Variants in LEFTY1 observed in about 807,000 individuals in gnomAD.
LEFTY1 encodes left-right determination factor 1, also known as left-right determination factor B.
In LEFTY1, 18 loss-of-function variants were observed where a neutral mutation model predicts 22.6. The ratio of observed to expected loss-of-function variants is 0.80; its 90% confidence interval spans 0.55 to 1.18. LEFTY1 has a LOEUF of 1.18. LEFTY1 is among the 50% of genes most tolerant of loss of function. LEFTY1 has a pLI of 0.00. For missense variants in LEFTY1, 414 were observed against 495.4 expected, an observed-to-expected ratio of 0.84 and a Z score of 1.56; for synonymous variants, 201 against 231.5, an observed-to-expected ratio of 0.87 and a Z score of 1.20.
chr1:225,886,556 T>G lies in LEFTY1; in HGVS notation c.*171A>C. On this transcript the variant is annotated 3_prime_UTR_variant, in exon 4 of 4. Transcript: ENST00000272134. ...TCCAGTGGCCAAAGATTCTCATTCC[T>G]GAGAAGCAAAAATTAGGTGAGGTAA... is the stretch of plus-strand genomic sequence containing the variant. 1.5e-6 allele frequency: 2 copies of G among 1,359,340 alleles called. No homozygotes were observed. Among genetic ancestry groups the G allele is most frequent in the Non-Finnish European group, 2.0e-6 (2 of 1,023,928 alleles). 84.2% of individuals were successfully genotyped at this position (1,359,340 alleles called of 1,614,324 possible).
chr1:225,887,421 T>G lies in LEFTY1; in HGVS notation c.715A>C (p.Thr239Pro). Reference sequence around the variant, plus strand: ...TACCCATAGTCCCCAAGGTCCAGGGTGTGCAGCTCCAGCTGGGGCTCCCCA... The same window carrying G: ...TACCCATAGTCCCCAAGGTCCAGGGGGTGCAGCTCCAGCTGGGGCTCCCCA... ...GLGEPQLELH[T>P]LDLGDYGAQG... The change falls in exon 3 of 4, where the codon ACC (threonine) becomes CCC (proline). Residue 239 changes from threonine (T) to proline (P), a missense_variant. Around this residue, in one of 2 missense-constraint regions of LEFTY1, gnomAD observed 398 missense variants for 454.7 expected, o/e 0.88. Transcript: ENST00000272134. 1 of 1,613,588 alleles carries G rather than the reference T, an allele frequency of 6.2e-7. No homozygotes were observed. The highest frequency in any genetic ancestry group is 8.5e-7 in the Non-Finnish European group (1 of 1,179,888).
intron 3 of LEFTY1, 111 bp downstream of exon 3, chr1:225,887,288 T>A: frequency 1.9e-6 from 3 of 1,555,172 alleles, no homozygotes. Context: ...GGAAGAATTG[T>A]ATACATTGTC....
Position 225,888,008 on chromosome 1 carries a change from A to C in LEFTY1, c.275T>G (p.Leu92Trp), listed in dbSNP as rs145431393. ...FREVAGRFLA[L>W]EASTHLLVFG... is the part of the protein sequence containing the mutation. Reference sequence around the variant, plus strand: ...CACCAGCAGGTGTGTGCTGGCCTCCAACGCCAGGAACCTGCCGGCCACCTC... The same window carrying C: ...CACCAGCAGGTGTGTGCTGGCCTCCCACGCCAGGAACCTGCCGGCCACCTC... The change falls in exon 2 of 4, where the codon TTG becomes TGG. Residue 92 changes from leucine to tryptophan, a missense_variant. Coordinates refer to ENST00000272134, the MANE Select transcript of LEFTY1 (RefSeq NM_020997.4). 6.4e-7 allele frequency: 1 copy of C among 1,553,632 alleles called. No homozygotes were observed. The highest frequency in any genetic ancestry group is 8.7e-7 in the Non-Finnish European group (1 of 1,152,040).
rs762426742 is a variant in LEFTY1 at position 225,887,493 on chromosome 1, C to T, written c.643G>A (p.Ala215Thr). The change falls in exon 3 of 4, where the codon GCC becomes ACC. Residue 215 changes from alanine (A) to threonine (T), a missense_variant. Coordinates refer to ENST00000272134, the MANE Select transcript of LEFTY1 (RefSeq NM_020997.4). ...GAGGCAAAGCGGACCAGCTTGTGGG[C>T]GCCGGACGCCAGCGGGCCCAGATGC... ...REHLGPLASG[A>T]HKLVRFASQG... is the part of the protein sequence containing the mutation. 15 of 1,611,806 alleles carry T rather than the reference C, an allele frequency of 9.3e-6. No individual in the cohort carries two copies. Among genetic ancestry groups the T allele is most frequent in the Admixed American group, 1.7e-5 (1 of 59,918 alleles).
At position 225,887,879 on chromosome 1, in the gene LEFTY1, C is replaced by T. The variant is rs754733668; in HGVS notation, c.404G>A (p.Arg135Gln). Reference sequence around the variant, plus strand: ...GGCCCGGGCGCTGCGCGGGGACAGCCGCCCGTGCCTGTGCAGCGCGGCCTT... The same window carrying T: ...GGCCCGGGCGCTGCGCGGGGACAGCTGCCCGTGCCTGTGCAGCGCGGCCTT... ...VPKAALHRHG[R>Q]LSPRSARARV... Residue 135 changes from arginine to glutamine, a missense_variant, in exon 2 of 4, where the codon CGG becomes CAG. Arg to Gln is a conservative substitution (Grantham distance 43). This residue lies in a region of LEFTY1 where 398 missense variants were observed against 454.7 expected (regional missense o/e 0.88). Transcript: ENST00000272134. The T allele has an allele frequency of 5.9e-6, 9 of 1,532,354 alleles. No individual in the cohort carries two copies. Among genetic ancestry groups the T allele is most frequent in the Non-Finnish European group, 7.9e-6 (9 of 1,146,134 alleles). 94.9% of individuals were successfully genotyped at this position (1,532,354 alleles called of 1,614,324 possible).
chr1:225,887,486 T>G lies in LEFTY1; in HGVS notation c.650A>C (p.Lys217Thr). The G allele has an allele frequency of 6.2e-7, 1 of 1,612,132 alleles. No homozygotes were observed. Residue 217 changes from lysine (K) to threonine (T), a missense_variant, in exon 3 of 4, where the codon AAG (lysine) becomes ACG (threonine). Physicochemically the swap from Lys to Thr is moderately conservative, Grantham distance 78 (BLOSUM62 -1). Around this residue, in one of 2 missense-constraint regions of LEFTY1, gnomAD observed 398 missense variants for 454.7 expected, o/e 0.88. Coordinates refer to ENST00000272134, the MANE Select transcript of LEFTY1 (RefSeq NM_020997.4). ...HLGPLASGAH[K>T]LVRFASQGAP... is the part of the protein sequence containing the mutation. ...CCCCTGCGAGGCAAAGCGGACCAGC[T>G]TGTGGGCGCCGGACGCCAGCGGGCC... is the stretch of plus-strand genomic sequence containing the variant.
chr1:225,886,550 C>T lies in LEFTY1; in HGVS notation c.*177G>A, dbSNP rs1200694967. 4.6e-6 allele frequency: 6 copies of T among 1,300,414 alleles called. No homozygotes were observed. Among genetic ancestry groups the T allele is most frequent in the Non-Finnish European group, 6.2e-6 (6 of 972,852 alleles). The allele number at this position is 1,300,414 out of a possible 1,614,324, so 80.6% of individuals were successfully genotyped here. A position where few individuals can be genotyped will look rare whatever the true frequency, so the allele number is the denominator to read the frequency against. On this transcript the variant is annotated 3_prime_UTR_variant, in exon 4 of 4. Coordinates refer to ENST00000272134, the MANE Select transcript of LEFTY1 (RefSeq NM_020997.4). The stretch of plus-strand genomic sequence containing the variant: ...GGGCTCTCCAGTGGCCAAAGATTCT[C>T]ATTCCTGAGAAGCAAAAATTAGGTG...
In LEFTY1 at chr1:225,888,008, A is replaced by G. The variant is rs145431393; in HGVS notation, c.275T>C (p.Leu92Ser). 0.031 allele frequency: 47,940 copies of G among 1,552,204 alleles called. 4,102 individuals are homozygous for G. Among genetic ancestry groups the G allele is most frequent in the East Asian group, 0.2 (8,389 of 42,982 alleles). Residue 92 changes from leucine to serine, a missense_variant, in exon 2 of 4, where the codon TTG (leucine) becomes TCG (serine). Leu to Ser is a moderately radical substitution (Grantham distance 145, BLOSUM62 -2). Transcript: ENST00000272134. Reference protein sequence around the residue: ...FREVAGRFLALEASTHLLVFG... With the variant: ...FREVAGRFLASEASTHLLVFG... ...CACCAGCAGGTGTGTGCTGGCCTCC[A>G]ACGCCAGGAACCTGCCGGCCACCTC...
intron 1 of LEFTY1, 107 bp downstream of exon 1, chr1:225,888,710 C>T: frequency 6.8e-7 from 1 of 1,476,012 alleles, no homozygotes; most frequent in Non-Finnish European, 9.1e-7. Context: ...GGCCCTCACT[C>T]AGCCTCCCAC....
In LEFTY1 at chr1:225,888,148, G is replaced by T. The variant is rs867345984; in HGVS notation, c.251-116C>A. The T allele has an allele frequency of 6.1e-5, 87 of 1,425,898 alleles. 2 individuals carry two copies. Among genetic ancestry groups the T allele is most frequent in the South Asian group, 5.1e-4 (41 of 80,456 alleles). 88.3% of individuals were successfully genotyped at this position (1,425,898 alleles called of 1,614,324 possible). A position where few individuals can be genotyped will look rare whatever the true frequency, so the allele number is the denominator to read the frequency against. On this transcript the variant is annotated intron_variant, in intron 1 of 3. Transcript: ENST00000272134. ...AGACACCGGCCCTGTTCTATTTCTG[G>T]GGCAAACCCAGTTTACAAATCTTCC...
At chr1:225,888,775 CT>C (rs1449811417) in intron 1 of LEFTY1, 41 bp downstream of exon 1, 2 of 1,611,192 alleles carry the variant, frequency 1.2e-6, no homozygotes, top group African/African-American at 2.7e-5. Context: ...CACATCTGAC[CT>C]GCCCCATGGG....
chr1:225,887,778 A>C lies in LEFTY1; in HGVS notation c.497+8T>G, dbSNP rs757843492. ...TCCCCCTACCCTGCGCGCCCCCGCG[A>C]CCCCCACCTGGAGTCGATGAGGGAG... On this transcript the variant is annotated splice_region_variant and intron_variant, in intron 2 of 3. Transcript: ENST00000272134. 1.1e-4 allele frequency: 165 copies of C among 1,540,600 alleles called. No homozygotes were observed. Among genetic ancestry groups the C allele is most frequent in the Non-Finnish European group, 1.4e-4 (162 of 1,147,808 alleles).
At chr1:225,887,255 C>A in intron 3 of LEFTY1, 144 bp downstream of exon 3, 1 of 1,495,210 alleles carries the variant, frequency 6.7e-7, no homozygotes, top group Non-Finnish European at 8.9e-7. Context: ...CCGATATTTA[C>A]TGAGGATCTC....
chr1:225,889,020 GC>G lies in LEFTY1; in HGVS notation c.46del (p.Ala16ProfsTer7). The G allele has an allele frequency of 6.6e-7, 1 of 1,513,386 alleles. No homozygotes were observed. Among genetic ancestry groups the G allele is most frequent in the Non-Finnish European group, 8.8e-7 (1 of 1,131,678 alleles). 93.7% of individuals were successfully genotyped at this position (1,513,386 alleles called of 1,614,324 possible). On this transcript the variant is annotated frameshift_variant, in exon 1 of 4. Transcript: ENST00000272134. LOFTEE classifies it high-confidence loss of function. ...CCCGGTCAGGGCGGCCCCGGGGCTG[GC>G]CAGGGGCAACACCCAGAGTGCCCAG... ...LCWALWVLPL[A>X]SPGAALTGEQ...
chr1:225,887,718 G>T, intron 2 of LEFTY1, 68 bp downstream of exon 2: 1 of 1,057,646 alleles, frequency 9.5e-7, no homozygotes, highest in Non-Finnish European at 1.4e-6. Context: ...CCGCCCCCCC[G>T]CGTCCCCGCC....
At position 225,887,894 on chromosome 1, in the gene LEFTY1, A is replaced by C. The variant is rs758074472; in HGVS notation, c.389T>G (p.Leu130Arg). The C allele has an allele frequency of 5.9e-6, 9 of 1,535,588 alleles. No homozygotes were observed. In the East Asian group the frequency reaches 2.2e-4, roughly 37 times the overall value. ...LFQEPVPKAALHRHGRLSPRS... is the reference protein window; with the variant it reads ...LFQEPVPKAARHRHGRLSPRS... ...CGGGGACAGCCGCCCGTGCCTGTGC[A>C]GCGCGGCCTTGGGGACCGGCTCCTG... The change falls in exon 2 of 4, where the codon CTG (leucine) becomes CGG (arginine). Residue 130 changes from leucine to arginine, a missense_variant. By Grantham distance (102) the Leu-to-Arg change is moderately radical. Transcript: ENST00000272134.
Position 225,886,627 on chromosome 1 carries a change from AT to A in LEFTY1, c.*99del. On this transcript the variant is annotated 3_prime_UTR_variant, in exon 4 of 4. Coordinates refer to ENST00000272134, the MANE Select transcript of LEFTY1 (RefSeq NM_020997.4). ...CAGGGCTCACTAGAGAGCACAGAGC[AT>A]TTGTCCATCAGCAGTTCAGTCATCG... 1 of 1,575,022 alleles carries A rather than the reference AT, an allele frequency of 6.3e-7. No individual in the cohort carries two copies. The highest frequency in any genetic ancestry group is 8.6e-7 in the Non-Finnish European group (1 of 1,163,154).
rs756131428 is a variant in LEFTY1 at position 225,888,894 on chromosome 1, C to G, written c.173G>C (p.Arg58Thr). The part of the protein sequence containing the change: ...MEELVIPTHV[R>T]AQYVALLQRS... Reference sequence around the variant, plus strand: ...CTGCAGCAGGGCCACGTACTGGGCCCTCACGTGGGTGGGGATGACCAGCTC... The same window carrying G: ...CTGCAGCAGGGCCACGTACTGGGCCGTCACGTGGGTGGGGATGACCAGCTC... Residue 58 changes from arginine (R) to threonine (T), a missense_variant, in exon 1 of 4, where the codon AGG becomes ACG. Arg to Thr is a moderately conservative substitution (Grantham distance 71). Around this residue, in one of 2 missense-constraint regions of LEFTY1, gnomAD observed 398 missense variants for 454.7 expected, o/e 0.88. Coordinates refer to ENST00000272134, the MANE Select transcript of LEFTY1 (RefSeq NM_020997.4). 4 of 1,613,270 alleles carry G rather than the reference C, an allele frequency of 2.5e-6. No individual in the cohort carries two copies. The highest frequency in any genetic ancestry group is 1.3e-5 in the African/African-American group (1 of 75,068).
In LEFTY1 at chr1:225,887,030, C is replaced by T; in HGVS notation, c.798G>A (p.Gln266=). The T allele has an allele frequency of 6.2e-7, 1 of 1,600,158 alleles. No homozygotes were observed. The highest frequency in any genetic ancestry group is 8.5e-7 in the Non-Finnish European group (1 of 1,172,384). The change falls in exon 4 of 4, where the codon CAG becomes CAA. Residue 266 remains glutamine, a synonymous_variant. Coordinates refer to ENST00000272134, the MANE Select transcript of LEFTY1 (RefSeq NM_020997.4). ...PMTEGTRCCR[Q]EMYIDLQGMK... The stretch of plus-strand genomic sequence containing the variant: ...TCCCCTGCAGGTCAATGTACATCTC[C>T]TGGCGGCAGCAGCGGGTGCCCTCGG...
Sources: gnomAD v4.1 joint callset for allele counts on GRCh38, gnomAD v4.1.1 for gene constraint, gnomAD v4.1.1 regional missense constraint, MANE v1.5 for transcripts, NCBI Gene and HGNC (gene_info 2026-07-23, HGNC 2026-07-21) for gene names.